Variants in KAT6A observed in about 807,000 individuals in gnomAD.
KAT6A encodes the protein lysine acetyltransferase 6A, also known as histone acetyltransferase KAT6A.
In KAT6A, 9 loss-of-function variants were observed where a neutral mutation model predicts 198.4. That is an observed-to-expected ratio of 0.05 (90% confidence interval 0.03 to 0.08). The LOEUF (loss-of-function observed/expected upper bound fraction) is 0.08, where lower values mean the gene tolerates loss of function less well. KAT6A is among the 10% of genes least tolerant of loss of function. The probability of loss-of-function intolerance (pLI) is 1.00; values close to 1 mark genes in which losing one functional copy is unlikely to be tolerated. For synonymous variants in KAT6A, 890 were observed against 883.0 expected (o/e 1.01, Z -0.14); for missense variants, 2,077 against 2,509.9 (o/e 0.83, Z 3.69).
chr8:41,971,547 G>A (rs1178383398), intron 8 of KAT6A, among the ~76,000 whole-genome samples: 1 of 151,866 alleles, frequency 6.6e-6, no homozygotes, highest in Non-Finnish European at 1.5e-5. Flanking sequence ...AGAGCAAAAA[G>A]AGCAGCCAAA....
intron 12 of KAT6A, among the ~76,000 whole-genome samples, chr8:41,944,979 C>G (rs772053645): frequency 6.6e-6 from 1 of 152,158 alleles, no homozygotes; most frequent in African/African-American, 2.4e-5. Flanking sequence ...CATCTCAAGA[C>G]TAGAATCAAA....
chr8:41,993,700 G>T (rs1311788175), intron 2 of KAT6A, among the ~76,000 whole-genome samples: 1 of 152,178 alleles, frequency 6.6e-6, no homozygotes, highest in African/African-American at 2.4e-5. Flanking sequence ...GCAACAAATG[G>T]TTTAAATAAA....
chr8:41,978,503 A>G (rs1824181166), intron 6 of KAT6A, 139 bp downstream of exon 6: 3 of 824,064 alleles, frequency 3.6e-6, no homozygotes, highest in Middle Eastern at 2.4e-4. Flanking sequence ...TAAGGGCTGA[A>G]TAAGTGTTAG....
intron 2 of KAT6A, among the ~76,000 whole-genome samples, chr8:42,006,475 T>G (rs894166745): frequency 6.6e-6 from 1 of 152,216 alleles, no homozygotes; most frequent in East Asian, 1.9e-4. Context: ...AAGAAGTGTT[T>G]CAGATTTCAG....
chr8:41,994,665 TG>T (rs1825106226), intron 2 of KAT6A, among the ~76,000 whole-genome samples: 1 of 152,064 alleles, frequency 6.6e-6, no homozygotes, highest in Non-Finnish European at 1.5e-5. Context: ...CTAATTAACA[TG>T]TGTGTATGTA....
chr8:42,004,517 G>C (rs1160605211), intron 2 of KAT6A, among the ~76,000 whole-genome samples: 1 of 152,056 alleles, frequency 6.6e-6, no homozygotes, highest in Non-Finnish European at 1.5e-5. Context: ...AAAAAATCTT[G>C]AAAATAAGAA....
chr8:41,943,361 G>C (rs1341539967), intron 13 of KAT6A, among the ~76,000 whole-genome samples: 1 of 152,104 alleles, frequency 6.6e-6, no homozygotes, highest in Non-Finnish European at 1.5e-5. Flanking sequence ...TGAACTGTCT[G>C]TTCTTCCTTT....
chr8:42,036,327 G>C (rs1338151179), intron 2 of KAT6A, among the ~76,000 whole-genome samples: 1 of 152,030 alleles, frequency 6.6e-6, no homozygotes, highest in Non-Finnish European at 1.5e-5. Context: ...TTAAAGCAGA[G>C]AGGTTGGGCA....
At chr8:41,987,082 G>A (rs902854603) in intron 3 of KAT6A, among the ~76,000 whole-genome samples, 6 of 152,100 alleles carry the variant, frequency 3.9e-5, no homozygotes, top group African/African-American at 1.2e-4. Flanking sequence ...CTGTAGCCCC[G>A]TAAGGTCATA....
At chr8:42,007,893 C>T (rs1262540313) in intron 2 of KAT6A, among the ~76,000 whole-genome samples, 5 of 131,472 alleles carry the variant, frequency 3.8e-5, no homozygotes, top group African/African-American at 5.8e-5. Flanking sequence ...ACCAGGGAGG[C>T]GGAGCTTGCA....
At chr8:42,044,350 C>CCT (rs980189199) in intron 2 of KAT6A, among the ~76,000 whole-genome samples, 2 of 152,036 alleles carry the variant, frequency 1.3e-5, no homozygotes, top group African/African-American at 4.8e-5. Flanking sequence ...CCACCCCCCC[C>CCT]TCGGCATCCC....
chr8:42,040,662 G>C lies in KAT6A; in HGVS notation c.600+7716C>G, dbSNP rs764058635. Among the ~76,000 whole-genome samples the C allele has an allele frequency of 2.1e-5, 3 of 145,738 alleles. No homozygotes were observed. In the South Asian group the frequency reaches 6.4e-4, roughly 31 times the overall value. On this transcript the variant is annotated intron_variant, in intron 2 of 16. Transcript: ENST00000265713. Reference sequence around the variant, plus strand: ...AGGCAGGAGAATCGCCTGAACCCAGGAGGCGGAGGCTGCAGTGAGCCGAGA... The same window carrying C: ...AGGCAGGAGAATCGCCTGAACCCAGCAGGCGGAGGCTGCAGTGAGCCGAGA...
rs868148725 is a variant in KAT6A at position 42,035,378 on chromosome 8, G to C, written c.600+13000C>G. On this transcript the variant is annotated intron_variant, in intron 2 of 16. Coordinates refer to ENST00000265713, the MANE Select transcript of KAT6A (RefSeq NM_006766.5). ...AAATACTACACAATGGAATATACAA[G>C]TCCAGAGATCAGAAGAGAGCTCTCA... Among the ~76,000 whole-genome samples, 6 of 152,230 alleles carry C rather than the reference G, an allele frequency of 3.9e-5. No individual in the cohort carries two copies. The Middle Eastern group carries it at 0.01, about 259-fold the overall frequency.
At chr8:41,999,411 T>C (rs1825375974) in intron 2 of KAT6A, among the ~76,000 whole-genome samples, 1 of 152,184 alleles carries the variant, frequency 6.6e-6, no homozygotes, top group South Asian at 2.1e-4. Flanking sequence ...TTAGTTTCTT[T>C]TACATGTTTG....
rs551167939 is a variant in KAT6A at position 41,964,282 on chromosome 8, A to C, written c.1483-8871T>G. On this transcript the variant is annotated intron_variant, in intron 8 of 16. Coordinates refer to ENST00000265713, the MANE Select transcript of KAT6A (RefSeq NM_006766.5). ...TTAATAATAAAGTTGTATTAAATGA[A>C]ACAAATTAATATATAATGCTGAATA... Among the ~76,000 whole-genome samples, 28 of 152,302 alleles carry C rather than the reference A, an allele frequency of 1.8e-4. No individual in the cohort carries two copies. The South Asian group carries it at 5.8e-3, about 32-fold the overall frequency.
chr8:41,981,636 CT>C (rs1824361707), intron 4 of KAT6A, among the ~76,000 whole-genome samples: 1 of 152,166 alleles, frequency 6.6e-6, no homozygotes, highest in African/African-American at 2.4e-5. Context: ...TAATTAAGTG[CT>C]TTACAAATTA....
chr8:42,043,738 C>T (rs1827774830), intron 2 of KAT6A, among the ~76,000 whole-genome samples: 1 of 152,172 alleles, frequency 6.6e-6, no homozygotes, highest in African/African-American at 2.4e-5. Context: ...CATTACTGCT[C>T]CTAAGAGGTG....
Position 41,934,840 on chromosome 8 carries a change from A to C in KAT6A, c.3380T>G (p.Leu1127Arg). The C allele has an allele frequency of 2.5e-6, 4 of 1,612,246 alleles. No homozygotes were observed. The highest frequency in any genetic ancestry group is 1.7e-6 in the Non-Finnish European group (2 of 1,179,472). Residue 1127 changes from leucine (L) to arginine (R), a missense_variant, in exon 17 of 17, where the codon CTT (leucine) becomes CGT (arginine). Leu to Arg is a moderately radical substitution (Grantham distance 102). This residue lies in a region of KAT6A where 375 missense variants were observed against 383.0 expected (regional missense o/e 0.98). Transcript: ENST00000265713. ...DDTPILKPVS[L>R]LRKRDVKNSP... The stretch of plus-strand genomic sequence containing the variant: ...ATTCTTCACATCACGTTTTCGCAAA[A>C]GAGATACTGGCTTTAAGATAGGAGT...
At chr8:42,022,240 T>C (rs900785552) in intron 2 of KAT6A, among the ~76,000 whole-genome samples, 1 of 152,106 alleles carries the variant, frequency 6.6e-6, no homozygotes, top group African/African-American at 2.4e-5. Context: ...GTATCAAACC[T>C]GATACTGTAT....
Sources: gnomAD v4.1 joint callset for allele counts (sites outside exome capture counted in the v4.1 genomes callset) on GRCh38, gnomAD v4.1.1 for gene constraint, gnomAD v4.1.1 regional missense constraint, MANE v1.5 for transcripts, NCBI Gene and HGNC (gene_info 2026-07-23, HGNC 2026-07-21) for gene names.